TRPV3: variants seen among roughly 807,000 people sequenced by gnomAD.
TRPV3 encodes the protein VRL-3.
In TRPV3, 88 loss-of-function variants were observed where a neutral mutation model predicts 87.1. The ratio of observed to expected loss-of-function variants is 1.01; its 90% CI spans 0.85 to 1.21. The LOEUF is 1.21. TRPV3 is among the 50% of genes most tolerant of loss of function. The probability of loss-of-function intolerance (pLI) is 0.00; values close to 1 mark genes in which losing one functional copy is unlikely to be tolerated. For missense variants in TRPV3, 1,054 were observed against 1,030.1 expected (o/e 1.02, Z -0.32); for synonymous variants, 438 against 423.3 (o/e 1.03, Z -0.43).
rs376496522 is a variant in TRPV3, at chr17:3,532,863, T to C, written c.859A>G (p.Thr287Ala). 1.2e-6 allele frequency: 2 copies of C among 1,614,104 alleles called. No homozygotes were observed. The highest frequency in any genetic ancestry group is 1.7e-6 in the Non-Finnish European group (2 of 1,180,042). ...IVQLLMEHEQTDITSRDSRGN... is the reference protein window; with the variant it reads ...IVQLLMEHEQADITSRDSRGN... ...CGTGAGTCCCGCGAGGTGATGTCCG[T>C]CTGCTCGTGCTCCATCAGCAGCTGC... The change falls in exon 8 of 18, where the codon ACG (threonine) becomes GCG (alanine). Residue 287 changes from threonine to alanine, a missense_variant. Coordinates refer to ENST00000576742, the MANE Select transcript of TRPV3 (RefSeq NM_145068.4).
intron 17 of TRPV3, 116 bp from the exon 18 acceptor site, chr17:3,514,127 G>A (rs2074150406): frequency 2.3e-6 from 2 of 852,664 alleles, no homozygotes; most frequent in South Asian, 3.7e-5. Context: ...CACCCAGGCT[G>A]CAGTGCAGTG....
intron 2 of TRPV3, among the ~76,000 whole-genome samples, chr17:3,548,347 G>A (rs1193000918): frequency 6.6e-6 from 1 of 152,156 alleles, no homozygotes; most frequent in African/African-American, 2.4e-5. Flanking sequence ...CACCCCCCAG[G>A]GTAAAAGTCA....
At chr17:3,550,551 G>T (rs1310732911) in intron 2 of TRPV3, among the ~76,000 whole-genome samples, 2 of 116,088 alleles carry the variant, frequency 1.7e-5, no homozygotes, top group Non-Finnish European at 3.4e-5. Flanking sequence ...TTGAGATGGA[G>T]TCTCGCTCTG....
chr17:3,527,486 G>C (rs62069864), intron 11 of TRPV3, among the ~76,000 whole-genome samples: 52,170 of 152,006 alleles, frequency 0.34, 11,040 homozygotes, highest in Non-Finnish European at 0.47. Flanking sequence ...CAACCAGGCT[G>C]TGAATTCAAA....
intron 15 of TRPV3, among the ~76,000 whole-genome samples, chr17:3,517,400 T>A (rs1348924211): frequency 6.6e-6 from 1 of 151,888 alleles, no homozygotes; most frequent in Non-Finnish European, 1.5e-5. Context: ...GGCGAATCGC[T>A]TTGAGCTCAG....
At chr17:3,538,508 TG>T (rs1189875370) in intron 6 of TRPV3, among the ~76,000 whole-genome samples, 1 of 151,936 alleles carries the variant, frequency 6.6e-6, no homozygotes, top group East Asian at 1.9e-4. Context: ...TGTACACCGT[TG>T]TGGGGAGAGA....
chr17:3,542,831 T>C (rs922585516), intron 5 of TRPV3, 133 bp from the exon 6 acceptor site: 1 of 899,150 alleles, frequency 1.1e-6, no homozygotes, highest in African/African-American at 1.7e-5. Flanking sequence ...GACCTTACAC[T>C]TGGCCGCTCT....
Position 3,554,660 on chromosome 17 carries a change from T to TG in TRPV3, c.119+71dup, listed in dbSNP as rs398119634. 0.59 allele frequency: 615,571 copies of TG among 1,048,776 alleles called. 186,365 individuals carry two copies. Among genetic ancestry groups the TG allele is most frequent in the Admixed American group, 0.7 (33,558 of 48,012 alleles). The allele number at this position is 1,048,776 out of a possible 1,614,324, so 65.0% of individuals were successfully genotyped here. On this transcript the variant is annotated intron_variant, in intron 2 of 17. Coordinates refer to ENST00000576742, the MANE Select transcript of TRPV3 (RefSeq NM_145068.4). ...AGGTCTCCCCAAGGCAAGGGCTCCC[T>TG]GGGGGGGTGCCAGGCCCCCACTCGT...
chr17:3,524,991 A>AC (rs1444035354), intron 12 of TRPV3, among the ~76,000 whole-genome samples: 2 of 151,182 alleles, frequency 1.3e-5, no homozygotes, highest in African/African-American at 4.9e-5. Flanking sequence ...AGTCCCCCAA[A>AC]CCCTACTTTT....
intron 7 of TRPV3, among the ~76,000 whole-genome samples, chr17:3,533,323 G>A (rs2074367815): frequency 6.6e-6 from 1 of 152,092 alleles, no homozygotes. Context: ...CCGCCTGGGG[G>A]CCTTCGCTCG....
Position 3,512,878 on chromosome 17 carries a change from A to G in TRPV3, c.*1039T>C, listed in dbSNP as rs10852860. The G allele has an allele frequency of 0.52, 79,278 of 152,054 alleles. 22,237 individuals are homozygous for G. Among genetic ancestry groups the G allele is most frequent in the South Asian group, 0.73 (3,528 of 4,806 alleles). The allele number at this position is 152,054 out of a possible 1,614,324, so 9.4% of individuals were successfully genotyped here. On this transcript the variant is annotated 3_prime_UTR_variant, in exon 18 of 18. Transcript: ENST00000576742. ...TTTTGTTAAATTCCCCCACTGAGAC[A>G]TACTGAGGTATGCGACTAACTGCTG... is the stretch of plus-strand genomic sequence containing the variant.
In TRPV3 at chr17:3,538,557, C is replaced by G. The variant is rs559197900; in HGVS notation, c.644-2844G>C. Among the ~76,000 whole-genome samples, 463 of 151,094 alleles carry G rather than the reference C, an allele frequency of 3.1e-3. 3 individuals carry two copies. Among genetic ancestry groups the G allele is most frequent in the South Asian group, 4.0e-3 (19 of 4,788 alleles). Reference sequence around the variant, plus strand: ...CTTTTAGAGACAAATTTGGCAATAACTATTATAACTTTATTTTATTTATTT... The same window carrying G: ...CTTTTAGAGACAAATTTGGCAATAAGTATTATAACTTTATTTTATTTATTT... On this transcript the variant is annotated intron_variant, in intron 6 of 17. Coordinates refer to ENST00000576742, the MANE Select transcript of TRPV3 (RefSeq NM_145068.4).
At position 3,519,896 on chromosome 17, in the gene TRPV3, GGATGATTA is replaced by G. The variant is rs879331316; in HGVS notation, c.1811-1054_1811-1047del. Among the ~76,000 whole-genome samples the G allele has an allele frequency of 2.1e-3, 250 of 120,920 alleles. 3 individuals carry two copies. Among genetic ancestry groups the G allele is most frequent in the Middle Eastern group, 0.013 (3 of 228 alleles). 79.3% of individuals were successfully genotyped at this position (120,920 alleles called of 152,430 possible). ...TGGATGGATGGATGGATGATTGGAT[GGATGATTA>G]GATGGATGGATGGATGGATGGATGG... is the stretch of plus-strand genomic sequence containing the variant. On this transcript the variant is annotated intron_variant, in intron 14 of 17. Coordinates refer to ENST00000576742, the MANE Select transcript of TRPV3 (RefSeq NM_145068.4).
chr17:3,517,704 C>T (rs2074196013), intron 15 of TRPV3, among the ~76,000 whole-genome samples: 1 of 151,918 alleles, frequency 6.6e-6, no homozygotes, highest in Non-Finnish European at 1.5e-5. Context: ...CTGTAGTAAC[C>T]CCATGTACAT....
In TRPV3 at chr17:3,556,376, G is replaced by A. The variant is rs1039428558; in HGVS notation, c.-3+1300C>T. ...GCAGGGGCCATAGGGACGGGGAAGG[G>A]GGCCAGCTGGCCACAGAGGGATGAC... On this transcript the variant is annotated intron_variant, in intron 1 of 17. Coordinates refer to ENST00000576742, the MANE Select transcript of TRPV3 (RefSeq NM_145068.4). The surrounding 1 kb of genome is among the most constrained non-coding windows in gnomAD (Gnocchi z 4.2). Among the ~76,000 whole-genome samples the A allele has an allele frequency of 6.6e-6, 1 of 151,664 alleles. No individual in the cohort carries two copies. Among genetic ancestry groups the A allele is most frequent in the Admixed American group, 6.6e-5 (1 of 15,224 alleles).
In TRPV3 at chr17:3,545,824, C is replaced by CAA. The variant is rs35206458; in HGVS notation, c.120-555_120-554dup. Among the ~76,000 whole-genome samples the CAA allele has an allele frequency of 5.1e-3, 633 of 124,542 alleles. 2 individuals are homozygous for CAA. The highest frequency in any genetic ancestry group is 0.013 in the African/African-American group (417 of 31,006). 81.7% of individuals were successfully genotyped at this position (124,542 alleles called of 152,430 possible). On this transcript the variant is annotated intron_variant, in intron 2 of 17. Coordinates refer to ENST00000576742, the MANE Select transcript of TRPV3 (RefSeq NM_145068.4). ...CGAAACTCTGTTTCTACTTAAAATG[C>CAA]AAAAAAAAAAAAAAAAGTAGCTGGG...
chr17:3,530,238 A>G lies in TRPV3; in HGVS notation c.1066-35T>C. ...GAGGAGGAACAACCATCAGCTGCAG[A>G]ACAGGGGCTTAAGGCCAACAGGGCT... On this transcript the variant is annotated intron_variant, in intron 8 of 17. Transcript: ENST00000576742. The surrounding 1 kb of genome is among the most constrained non-coding windows in gnomAD (Gnocchi z 4.0). 1.2e-5 allele frequency: 19 copies of G among 1,590,698 alleles called. No individual in the cohort carries two copies. Among genetic ancestry groups the G allele is most frequent in the Non-Finnish European group, 1.6e-5 (19 of 1,166,648 alleles).
At chr17:3,524,669 A>AT (rs144152191) in intron 12 of TRPV3, among the ~76,000 whole-genome samples, 8,142 of 152,058 alleles carry the variant, frequency 0.054, 692 homozygotes, top group African/African-American at 0.18. Context: ...GAGGCCATAT[A>AT]TTTTTTAAAT....
chr17:3,524,873 T>C (rs2074281609), intron 12 of TRPV3, among the ~76,000 whole-genome samples: 1 of 151,398 alleles, frequency 6.6e-6, no homozygotes, highest in Non-Finnish European at 1.5e-5. Context: ...GACTCCTGCA[T>C]CGATTTGAGA....
Sources: gnomAD v4.1 joint callset for allele counts (sites outside exome capture counted in the v4.1 genomes callset) on GRCh38, gnomAD v4.1.1 for gene constraint, Gnocchi (gnomAD v3.1) non-coding constraint, MANE v1.5 for transcripts, NCBI Gene and HGNC (gene_info 2026-07-23, HGNC 2026-07-21) for gene names.